CAPN7: variants seen among roughly 807,000 people sequenced by gnomAD.
The protein encoded by CAPN7 is calpain-7.
In CAPN7, 72 loss-of-function variants were observed where a neutral mutation model predicts 115.2. The ratio of observed to expected loss-of-function variants is 0.63; its 90% CI spans 0.52 to 0.76. The LOEUF is 0.76. Ranked by LOEUF, CAPN7 falls within the 30% of genes least tolerant of loss-of-function variation. The pLI, the probability that CAPN7 is intolerant of heterozygous loss-of-function variation, is 0.00. For synonymous variants in CAPN7, 344 were observed against 322.3 expected, an observed-to-expected ratio of 1.07 and a Z score of -0.72; for missense variants, 905 against 971.5, an observed-to-expected ratio of 0.93 and a Z score of 0.91.
At chr3:15,219,386 C>T (rs1693829740) in intron 4 of CAPN7, among the ~76,000 whole-genome samples, 1 of 152,186 alleles carries the variant, frequency 6.6e-6, no homozygotes, top group Non-Finnish European at 1.5e-5. Flanking sequence ...TGTACCACCC[C>T]AAGCCCTTCT....
rs757447551 is a variant in CAPN7, at chr3:15,230,605, A to G, written c.1032+70A>G. 2.3e-4 allele frequency: 209 copies of G among 896,932 alleles called. 1 individual carries two copies. Among genetic ancestry groups the G allele is most frequent in the South Asian group, 3.7e-4 (25 of 67,936 alleles). 55.6% of individuals were successfully genotyped at this position (896,932 alleles called of 1,614,324 possible). A position where few individuals can be genotyped will look rare whatever the true frequency, so the allele number is the denominator to read the frequency against. On this transcript the variant is annotated intron_variant, in intron 9 of 20. Coordinates refer to ENST00000253693, the MANE Select transcript of CAPN7 (RefSeq NM_014296.3). ...TCCCTACCTTTGAATCTTGAGTGAA[A>G]TCATTAAGAAATGTCATCTGTTTGA...
rs150114558 is a variant in CAPN7 at position 15,220,860 on chromosome 3, G to A, written c.517G>A (p.Val173Met). Residue 173 changes from valine to methionine, a missense_variant, in exon 5 of 21, where the codon GTG becomes ATG. By Grantham distance (21) the Val-to-Met change is conservative. Coordinates refer to ENST00000253693, the MANE Select transcript of CAPN7 (RefSeq NM_014296.3). Reference protein sequence around the residue: ...STSVKPKPPPVRAHFPLGANP... With the variant: ...STSVKPKPPPMRAHFPLGANP... ...AAGTGTTAAGCCAAAGCCACCTCCA[G>A]TGAGAGCACATTTTCCACTGGGCGC... The A allele has an allele frequency of 1.2e-6, 2 of 1,614,076 alleles. No homozygotes were observed. Among genetic ancestry groups the A allele is most frequent in the African/African-American group, 1.3e-5 (1 of 74,942 alleles).
In CAPN7 at chr3:15,217,436, A is replaced by G. The variant is rs1042932281; in HGVS notation, c.223A>G (p.Ser75Gly). Reference protein sequence around the residue: ...QALHSAVQSKSADPLKSKHQL... With the variant: ...QALHSAVQSKGADPLKSKHQL... ...TTTTTCTATCCTAGTTCAGTCAAAG[A>G]GTGCTGATCCTTTGAAGTCAAAACA... Residue 75 changes from serine (S) to glycine (G), a missense_variant, in exon 3 of 21, where the codon AGT (serine) becomes GGT (glycine). By Grantham distance (56) the Ser-to-Gly change is moderately conservative. This residue lies in a region of CAPN7 where 271 missense variants were observed against 239.6 expected (regional missense o/e 1.13). Transcript: ENST00000253693. 1.2e-6 allele frequency: 2 copies of G among 1,610,386 alleles called. No homozygotes were observed. Among genetic ancestry groups the G allele is most frequent in the African/African-American group, 2.7e-5 (2 of 74,642 alleles).
intron 2 of CAPN7, among the ~76,000 whole-genome samples, chr3:15,212,780 G>C (rs368110678): frequency 2.9e-4 from 44 of 152,282 alleles, no homozygotes; most frequent in African/African-American, 1.1e-3. Context: ...AGTTTTGTTA[G>C]AGGTAACTGA....
chr3:15,243,810 G>T (rs1017624907), intron 16 of CAPN7, among the ~76,000 whole-genome samples: 2 of 151,970 alleles, frequency 1.3e-5, no homozygotes, highest in African/African-American at 4.8e-5. Flanking sequence ...GTGGGAGGAG[G>T]GAGAGGAATA....
intron 10 of CAPN7, 76 bp from the exon 11 acceptor site, chr3:15,233,791 G>A: frequency 1.3e-6 from 1 of 761,090 alleles, no homozygotes; most frequent in East Asian, 2.7e-5. Flanking sequence ...CCAAATCAGT[G>A]AGATGTAATA....
At chr3:15,249,631 C>T (rs966375971) in intron 19 of CAPN7, among the ~76,000 whole-genome samples, 1 of 152,092 alleles carries the variant, frequency 6.6e-6, no homozygotes, top group African/African-American at 2.4e-5. Flanking sequence ...TACCTCATCA[C>T]CATCTAAATG....
chr3:15,228,151 T>G (rs900430772), intron 7 of CAPN7, among the ~76,000 whole-genome samples, 186 bp downstream of exon 7: 2 of 152,194 alleles, frequency 1.3e-5, no homozygotes, highest in African/African-American at 4.8e-5. Flanking sequence ...ATCACTGTTT[T>G]GAGTGATTAC....
intron 16 of CAPN7, among the ~76,000 whole-genome samples, chr3:15,242,640 G>T (rs1339776379): frequency 6.6e-6 from 1 of 151,978 alleles, no homozygotes; most frequent in African/African-American, 2.4e-5. Context: ...TTTATTTCAT[G>T]CCCCAGCTTC....
intron 12 of CAPN7, 95 bp downstream of exon 12, chr3:15,235,240 CA>C: frequency 8.7e-7 from 1 of 1,145,288 alleles, no homozygotes; most frequent in Non-Finnish European, 1.2e-6. Flanking sequence ...ACTGACAAAT[CA>C]AGGTTTAAGT....
chr3:15,224,033 G>C (rs1436624561), intron 6 of CAPN7, among the ~76,000 whole-genome samples: 1 of 152,144 alleles, frequency 6.6e-6, no homozygotes, highest in Non-Finnish European at 1.5e-5. Context: ...TCAGGAGTCC[G>C]AGCTTGTAGT....
In CAPN7 at chr3:15,206,425, C is replaced by A; in HGVS notation, c.-71C>A. 1.7e-6 allele frequency: 2 copies of A among 1,208,804 alleles called. No homozygotes were observed. The highest frequency in any genetic ancestry group is 2.3e-6 in the Non-Finnish European group (2 of 856,934). The allele number at this position is 1,208,804 out of a possible 1,614,324, so 74.9% of individuals were successfully genotyped here. A position where few individuals can be genotyped will look rare whatever the true frequency, so the allele number is the denominator to read the frequency against. Reference sequence around the variant, plus strand: ...CTCCCGAGTCCTCGCCGCCGCCGGGCCGCCGCAGTCCGCGAAGAGCCGTCC... The same window carrying A: ...CTCCCGAGTCCTCGCCGCCGCCGGGACGCCGCAGTCCGCGAAGAGCCGTCC... On this transcript the variant is annotated 5_prime_UTR_variant, in exon 1 of 21. Coordinates refer to ENST00000253693, the MANE Select transcript of CAPN7 (RefSeq NM_014296.3).
At chr3:15,224,958 T>A (rs889622658) in intron 6 of CAPN7, among the ~76,000 whole-genome samples, 1 of 152,198 alleles carries the variant, frequency 6.6e-6, no homozygotes, top group African/African-American at 2.4e-5. Flanking sequence ...CTTTATAGCA[T>A]TAATGTTCAG....
chr3:15,220,314 A>G (rs1693897208), intron 4 of CAPN7, among the ~76,000 whole-genome samples: 1 of 152,260 alleles, frequency 6.6e-6, no homozygotes, highest in Admixed American at 6.5e-5. Flanking sequence ...CTCACTGCCC[A>G]GGTGAACAAC....
Position 15,217,574 on chromosome 3 carries a change from C to G in CAPN7, c.361C>G (p.Leu121Val). Reference protein sequence around the residue: ...ELYTEAVDLCLKTSYETADKV... With the variant: ...ELYTEAVDLCVKTSYETADKV... Reference sequence around the variant, plus strand: ...GTACACAGAAGCTGTGGATCTCTGTCTGAAAACAGTGTGTATAGCTACAAA... The same window carrying G: ...GTACACAGAAGCTGTGGATCTCTGTGTGAAAACAGTGTGTATAGCTACAAA... Residue 121 changes from leucine to valine, a missense_variant, in exon 3 of 21, where the codon CTG (leucine) becomes GTG (valine). Physicochemically the swap from Leu to Val is conservative, Grantham distance 32 (BLOSUM62 1). Coordinates refer to ENST00000253693, the MANE Select transcript of CAPN7 (RefSeq NM_014296.3). 1 of 1,611,600 alleles carries G rather than the reference C, an allele frequency of 6.2e-7. No homozygotes were observed. Among genetic ancestry groups the G allele is most frequent in the South Asian group, 1.1e-5 (1 of 90,576 alleles).
rs373421265 is a variant in CAPN7 at position 15,206,457 on chromosome 3, A to T, written c.-39A>T. Reference sequence around the variant, plus strand: ...AGTCCGCGAAGAGCCGTCCTGCGTCAGGGCCTCCTTCCCTGCCCCGGCGCG... The same window carrying T: ...AGTCCGCGAAGAGCCGTCCTGCGTCTGGGCCTCCTTCCCTGCCCCGGCGCG... On this transcript the variant is annotated 5_prime_UTR_variant, in exon 1 of 21. Coordinates refer to ENST00000253693, the MANE Select transcript of CAPN7 (RefSeq NM_014296.3). 522 of 1,460,778 alleles carry T rather than the reference A, an allele frequency of 3.6e-4. 4 individuals are homozygous for T. The African/African-American group carries it at 6.9e-3, about 19-fold the overall frequency. The allele number at this position is 1,460,778 out of a possible 1,614,324, so 90.5% of individuals were successfully genotyped here.
chr3:15,209,030 G>A (rs1258613493), intron 1 of CAPN7, among the ~76,000 whole-genome samples: 9 of 150,666 alleles, frequency 6.0e-5, no homozygotes, highest in South Asian at 2.1e-4. Flanking sequence ...TTTTTTTTGA[G>A]ACGGAGTTTT....
At chr3:15,249,322 AT>A (rs11372496) in intron 19 of CAPN7, among the ~76,000 whole-genome samples, 20 of 151,888 alleles carry the variant, frequency 1.3e-4, no homozygotes, top group Middle Eastern at 3.4e-3. Flanking sequence ...TAGAGTTGTC[AT>A]TTTTTTTAAT....
Position 15,220,950 on chromosome 3 carries a change from A to G in CAPN7, c.607A>G (p.Arg203Gly), listed in dbSNP as rs1402070573. ...SPQSCDAQGQ[R>G]YTAEEIEVLR... ...TCAGTCATGTGATGCACAAGGACAG[A>G]GATACACAGCAGAAGAAATAGAAGT... The change falls in exon 5 of 21, where the codon AGA becomes GGA. Residue 203 changes from arginine (R) to glycine (G), a missense_variant. By Grantham distance (125) the Arg-to-Gly change is moderately radical. This residue lies in a region of CAPN7 where 271 missense variants were observed against 239.6 expected (regional missense o/e 1.13). Coordinates refer to ENST00000253693, the MANE Select transcript of CAPN7 (RefSeq NM_014296.3). 1.2e-6 allele frequency: 2 copies of G among 1,613,972 alleles called. No individual in the cohort carries two copies. Among genetic ancestry groups the G allele is most frequent in the Non-Finnish European group, 1.7e-6 (2 of 1,179,934 alleles).
Sources: gnomAD v4.1 joint callset for allele counts (sites outside exome capture counted in the v4.1 genomes callset) on GRCh38, gnomAD v4.1.1 for gene constraint, gnomAD v4.1.1 regional missense constraint, MANE v1.5 for transcripts, NCBI Gene and HGNC (gene_info 2026-07-23, HGNC 2026-07-21) for gene names.